The following CNTN3 variants were observed in gnomAD, a reference collection of about 807,000 sequenced individuals.
CNTN3 encodes the protein contactin 3.
CNTN3 carries 60 observed loss-of-function variants against 119.1 expected under a neutral mutation model. The ratio of observed to expected loss-of-function variants is 0.50; its 90% CI spans 0.41 to 0.62. CNTN3 has a LOEUF of 0.62. Among genes scored for constraint, CNTN3 ranks in the 20% least tolerant of loss-of-function variants. The probability of loss-of-function intolerance (pLI) is 0.00; values close to 1 mark genes in which losing one functional copy is unlikely to be tolerated. For missense variants in CNTN3, 1,101 were observed against 1,242.4 expected, an observed-to-expected ratio of 0.89 and a Z score of 1.71; for synonymous variants, 450 against 438.7, an observed-to-expected ratio of 1.03 and a Z score of -0.32.
intron 10 of CNTN3, 21 bp downstream of exon 10, chr3:74,364,446 A>T (rs1309494037): frequency 1.1e-5 from 17 of 1,603,004 alleles, no homozygotes; most frequent in Non-Finnish European, 1.4e-5. Flanking sequence ...TTAAGAGAAG[A>T]GCAGAGAAAA....
At chr3:74,506,564 T>C (rs574106132) in intron 2 of CNTN3, among the ~76,000 whole-genome samples, 141 of 152,270 alleles carry the variant, frequency 9.3e-4, no homozygotes, top group African/African-American at 3.2e-3. Flanking sequence ...TTTAATGTTT[T>C]TGAACCTCCA....
intron 1 of CNTN3, among the ~76,000 whole-genome samples, 200 bp from the exon 2 acceptor site, chr3:74,521,392 G>A (rs983200753): frequency 6.6e-6 from 1 of 151,064 alleles, no homozygotes; most frequent in African/African-American, 2.4e-5. Context: ...TAGGTAGATG[G>A]AAACGATCTT....
At chr3:74,461,751 G>A (rs1702372012) in intron 4 of CNTN3, among the ~76,000 whole-genome samples, 1 of 152,106 alleles carries the variant, frequency 6.6e-6, no homozygotes, top group Admixed American at 6.6e-5. Flanking sequence ...GAACTGGAAT[G>A]ATAGACACTA....
Position 74,520,114 on chromosome 3 carries a change from G to A in CNTN3, c.55+944C>T, listed in dbSNP as rs186449902. Among the ~76,000 whole-genome samples, 507 of 151,322 alleles carry A rather than the reference G, an allele frequency of 3.4e-3. 5 individuals are homozygous for A. The highest frequency in any genetic ancestry group is 0.012 in the African/African-American group (494 of 41,350). On this transcript the variant is annotated intron_variant, in intron 2 of 22. Coordinates refer to ENST00000263665, the MANE Select transcript of CNTN3 (RefSeq NM_020872.3). ...GCTACTTTTTTCTTAGGTTCCTCAG[G>A]TATCATGAAGAAATTATGTTTATGT... is the stretch of plus-strand genomic sequence containing the variant.
At chr3:74,579,997 G>A (rs2106665897) in intron 1 of CNTN3, among the ~76,000 whole-genome samples, 1 of 152,224 alleles carries the variant, frequency 6.6e-6, no homozygotes, top group Non-Finnish European at 1.5e-5. Context: ...CAATACTGCT[G>A]AAAGGGAAAG....
chr3:74,522,089 C>A (rs1366489459), intron 1 of CNTN3, among the ~76,000 whole-genome samples: 1 of 151,772 alleles, frequency 6.6e-6, no homozygotes, highest in Non-Finnish European at 1.5e-5. Flanking sequence ...GACAGTGGTT[C>A]CCAACAATGG....
chr3:74,416,075 C>T (rs1203008539), intron 5 of CNTN3, among the ~76,000 whole-genome samples: 2 of 152,092 alleles, frequency 1.3e-5, no homozygotes, highest in South Asian at 2.1e-4. Context: ...CTTTTTCCTC[C>T]TCAACCACAG....
chr3:74,595,626 G>A (rs370216805), intron 1 of CNTN3, among the ~76,000 whole-genome samples: 20 of 152,060 alleles, frequency 1.3e-4, no homozygotes, highest in African/African-American at 3.6e-4. Context: ...AAGGCCTTTG[G>A]CAAAATTCAA....
rs188789491 is a variant in CNTN3 at position 74,348,411 on chromosome 3, C to T, written c.1365-11753G>A. Among the ~76,000 whole-genome samples, 125 of 152,292 alleles carry T rather than the reference C, an allele frequency of 8.2e-4. 1 individual carries two copies. The highest frequency in any genetic ancestry group is 2.5e-4 in the Non-Finnish European group (17 of 68,028). On this transcript the variant is annotated intron_variant, in intron 11 of 22. Transcript: ENST00000263665. ...TTGAATTTGGATAGCTTGTGACTCA[C>T]TGGTCACCAGTGGAATGCAGGGAAA...
At chr3:74,474,316 C>T (rs908074834) in intron 4 of CNTN3, among the ~76,000 whole-genome samples, 1 of 152,082 alleles carries the variant, frequency 6.6e-6, no homozygotes, top group South Asian at 2.1e-4. Flanking sequence ...AGGTGGAGAA[C>T]ATCAGAAAAG....
chr3:74,307,742 C>A (rs187941354), intron 13 of CNTN3, among the ~76,000 whole-genome samples: 1 of 152,054 alleles, frequency 6.6e-6, no homozygotes, highest in Non-Finnish European at 1.5e-5. Flanking sequence ...AAATAAACTT[C>A]GGAATTAGGG....
chr3:74,485,445 C>G (rs999168235), intron 4 of CNTN3, among the ~76,000 whole-genome samples: 2 of 151,688 alleles, frequency 1.3e-5, no homozygotes, highest in Admixed American at 6.6e-5. Flanking sequence ...AAGGAAAGAA[C>G]AAAATAAATA....
At chr3:74,484,304 G>A (rs955582067) in intron 4 of CNTN3, among the ~76,000 whole-genome samples, 2 of 152,068 alleles carry the variant, frequency 1.3e-5, no homozygotes, top group African/African-American at 2.4e-5. Flanking sequence ...AGGAAACCCT[G>A]CCTCTAAGAT....
intron 11 of CNTN3, among the ~76,000 whole-genome samples, chr3:74,345,351 A>G (rs139294802): frequency 5.3e-5 from 8 of 152,320 alleles, no homozygotes; most frequent in African/African-American, 1.7e-4. Flanking sequence ...TGCTAGTTCA[A>G]TGGACTCGTT....
chr3:74,499,084 C>CT (rs5850179), intron 3 of CNTN3, among the ~76,000 whole-genome samples: 151,517 of 151,726 alleles, frequency 1, 75,655 homozygotes, highest in Non-Finnish European at 1. Context: ...TTTCCTTATA[C>CT]TTTGCATGAT....
chr3:74,379,098 T>C (rs996304436), intron 5 of CNTN3, among the ~76,000 whole-genome samples: 2 of 152,200 alleles, frequency 1.3e-5, no homozygotes, highest in Non-Finnish European at 2.9e-5. Context: ...CTGACACCAG[T>C]GGGTACTAGC....
At chr3:74,476,262 G>T (rs561663823) in intron 4 of CNTN3, among the ~76,000 whole-genome samples, 2 of 152,290 alleles carry the variant, frequency 1.3e-5, no homozygotes, top group Admixed American at 6.5e-5. Flanking sequence ...TCCCTTAGGA[G>T]CAATAGTTCA....
intron 20 of CNTN3, among the ~76,000 whole-genome samples, chr3:74,278,808 G>C (rs1701935422): frequency 1.3e-5 from 2 of 152,118 alleles, no homozygotes; most frequent in South Asian, 4.1e-4. Context: ...ACAGTCAGCA[G>C]AGTAAACAGA....
At position 74,263,392 on chromosome 3, in the gene CNTN3, G is replaced by A. The variant is rs927430372; in HGVS notation, c.*1009C>T. ...CCTTAATGGAATTGGAAATTGAAAT[G>A]AGGGATTATGTGGATTTTGTTTAAT... On this transcript the variant is annotated 3_prime_UTR_variant, in exon 23 of 23. Coordinates refer to ENST00000263665, the MANE Select transcript of CNTN3 (RefSeq NM_020872.3). 33 of 152,246 alleles carry A rather than the reference G, an allele frequency of 2.2e-4. No individual in the cohort carries two copies. The highest frequency in any genetic ancestry group is 7.7e-4 in the African/African-American group (32 of 41,562). The allele number at this position is 152,246 out of a possible 1,614,324, so 9.4% of individuals were successfully genotyped here. A position where few individuals can be genotyped will look rare whatever the true frequency, so the allele number is the denominator to read the frequency against.
Sources: gnomAD v4.1 joint callset for allele counts (sites outside exome capture counted in the v4.1 genomes callset) on GRCh38, gnomAD v4.1.1 for gene constraint, MANE v1.5 for transcripts, NCBI Gene and HGNC (gene_info 2026-07-23, HGNC 2026-07-21) for gene names.